The following TERF1 variants were observed in gnomAD, a reference collection of about 807,000 sequenced individuals.
The protein encoded by TERF1 is telomeric repeat binding factor 1.
In TERF1, 20 loss-of-function variants were observed where a neutral mutation model predicts 55.1. That is an observed-to-expected ratio of 0.36 (90% CI 0.26 to 0.53). The LOEUF is 0.53. Among genes scored for constraint, TERF1 ranks in the 20% least tolerant of loss-of-function variants. TERF1 has a pLI of 0.91. For synonymous variants in TERF1, 168 were observed against 181.2 expected, an observed-to-expected ratio of 0.93 and a Z score of 0.59; for missense variants, 439 against 535.7, an observed-to-expected ratio of 0.82 and a Z score of 1.78.
chr8:73,036,689 C>T (rs1025136603), intron 8 of TERF1, among the ~76,000 whole-genome samples: 5 of 151,464 alleles, frequency 3.3e-5, no homozygotes, highest in Non-Finnish European at 5.9e-5. Flanking sequence ...TGTGCACCCG[C>T]CTACCACATG....
At chr8:73,027,105 T>C in intron 6 of TERF1, 53 bp downstream of exon 6, 1 of 1,257,952 alleles carries the variant, frequency 7.9e-7, no homozygotes, top group Non-Finnish European at 1.1e-6. Flanking sequence ...GTTCTGTCTT[T>C]ATGTAAAATT....
intron 9 of TERF1, 138 bp from the exon 10 acceptor site, chr8:73,045,823 T>C: frequency 3.2e-6 from 2 of 629,630 alleles, no homozygotes; most frequent in Non-Finnish European, 5.0e-6. Context: ...CTTTTAAAAA[T>C]CTAAGAAATG....
intron 3 of TERF1, among the ~76,000 whole-genome samples, chr8:73,021,983 G>A (rs1808777429): frequency 6.6e-6 from 1 of 152,098 alleles, no homozygotes; most frequent in African/African-American, 2.4e-5. Context: ...ATAGAATGCT[G>A]GGCATTTATG....
intron 2 of TERF1, among the ~76,000 whole-genome samples, 163 bp downstream of exon 2, chr8:73,014,153 C>A (rs781599468): frequency 4.6e-5 from 7 of 151,480 alleles, no homozygotes; most frequent in Non-Finnish European, 8.8e-5. Flanking sequence ...ACAGTCATAT[C>A]TAAAGCAAGT....
In TERF1 at chr8:73,024,811, GTTTTC is replaced by G. The variant is rs754552180; in HGVS notation, c.625-7_625-3del. On this transcript the variant is annotated splice_polypyrimidine_tract_variant and splice_region_variant and intron_variant, in intron 4 of 9. Coordinates refer to ENST00000276603, the MANE Select transcript of TERF1 (RefSeq NM_017489.3). ...TGATTTATGTTAATATATTTCTTCT[GTTTTC>G]TTTAGCCTTTCAAAAGCAAATTGCT... 4.0e-5 allele frequency: 61 copies of G among 1,543,548 alleles called. No homozygotes were observed. The highest frequency in any genetic ancestry group is 5.2e-5 in the Non-Finnish European group (59 of 1,142,738).
chr8:73,012,765 A>G (rs1808336377), intron 1 of TERF1: 1 of 308,284 alleles, frequency 3.2e-6, no homozygotes, highest in Non-Finnish European at 6.6e-6. Context: ...AGCACAATAA[A>G]ATGAGGTATG....
chr8:73,027,051 A>T lies in TERF1; in HGVS notation c.886A>T (p.Ser296Cys). ...TGAAGCTAATTTGGATACAAGAAAAAGGTTTGTAATTTAATCAATTTGTAT... is the reference window on the plus strand; with the variant it reads ...TGAAGCTAATTTGGATACAAGAAAATGGTTTGTAATTTAATCAATTTGTAT... ...ETEANLDTRK[S>C]VSDKQSAVTE... is the part of the protein sequence containing the mutation. Residue 296 changes from serine to cysteine, a missense_variant and splice_region_variant, in exon 6 of 10, where the codon AGT becomes TGT. Physicochemically the swap from Ser to Cys is moderately radical, Grantham distance 112. Coordinates refer to ENST00000276603, the MANE Select transcript of TERF1 (RefSeq NM_017489.3). 1 of 1,601,250 alleles carries T rather than the reference A, an allele frequency of 6.2e-7. No homozygotes were observed. Among genetic ancestry groups the T allele is most frequent in the Non-Finnish European group, 8.5e-7 (1 of 1,172,872 alleles).
At chr8:73,030,235 T>C (rs1809225742) in intron 6 of TERF1, 101 bp from the exon 7 acceptor site, 2 of 753,868 alleles carry the variant, frequency 2.7e-6, no homozygotes, top group Non-Finnish European at 4.2e-6. Flanking sequence ...TCCAAAGTTA[T>C]TTTTTTATAA....
Position 73,046,141 on chromosome 8 carries a change from T to A in TERF1, c.*4T>A, listed in dbSNP as rs1563477806. On this transcript the variant is annotated 3_prime_UTR_variant, in exon 10 of 10. Coordinates refer to ENST00000276603, the MANE Select transcript of TERF1 (RefSeq NM_017489.3). ...TTCCTCAGACAGCGAAGACTGATTG[T>A]GTTTGTAAAAGCTTGATGAAAGGAC... 1 of 1,564,344 alleles carries A rather than the reference T, an allele frequency of 6.4e-7. No homozygotes were observed. Among genetic ancestry groups the A allele is most frequent in the Non-Finnish European group, 8.6e-7 (1 of 1,159,504 alleles).
At position 73,030,393 on chromosome 8, in the gene TERF1, G is replaced by T; in HGVS notation, c.945G>T (p.Leu315Phe). The part of the protein sequence containing the change: ...TESSEGTVSL[L>F]RSHKNLFLSK... The stretch of plus-strand genomic sequence containing the variant: ...CCTCAGAGGGTACAGTATCCTTATT[G>T]AGGTGAAGTAAATTGACGTTTTTCT... Residue 315 changes from leucine to phenylalanine, a missense_variant and splice_region_variant, in exon 7 of 10, where the codon TTG becomes TTT. Leu to Phe is a conservative substitution (Grantham distance 22). Around this residue, in one of 4 missense-constraint regions of TERF1, gnomAD observed 140 missense variants for 158.6 expected, o/e 0.88. Coordinates refer to ENST00000276603, the MANE Select transcript of TERF1 (RefSeq NM_017489.3). 1 of 1,495,264 alleles carries T rather than the reference G, an allele frequency of 6.7e-7. No homozygotes were observed. Among genetic ancestry groups the T allele is most frequent in the Non-Finnish European group, 8.9e-7 (1 of 1,127,546 alleles). The allele number at this position is 1,495,264 out of a possible 1,614,324, so 92.6% of individuals were successfully genotyped here.
At chr8:73,015,421 G>T (rs1011387208) in intron 2 of TERF1, among the ~76,000 whole-genome samples, 1 of 151,538 alleles carries the variant, frequency 6.6e-6, no homozygotes, top group Admixed American at 6.6e-5. Flanking sequence ...AGAAAAGTAG[G>T]CCAGGCATAG....
intron 9 of TERF1, among the ~76,000 whole-genome samples, chr8:73,041,954 C>G (rs966151440): frequency 1.3e-5 from 2 of 152,140 alleles, no homozygotes; most frequent in Admixed American, 1.3e-4. Context: ...CTGCTCCTGG[C>G]CTTTCTGTCC....
intron 2 of TERF1, chr8:73,018,894 A>G (rs140829792): frequency 1.3e-5 from 2 of 152,354 alleles, no homozygotes; most frequent in South Asian, 2.1e-4. Context: ...TGAGGTAAGT[A>G]TAAAGTACTG....
chr8:73,025,450 A>G lies in TERF1; in HGVS notation c.774+479A>G, dbSNP rs960311377. 8.6e-5 allele frequency among the ~76,000 whole-genome samples: 13 copies of G among 151,354 alleles called. 1 individual carries two copies. The highest frequency in any genetic ancestry group is 6.6e-4 in the Admixed American group (10 of 15,190). ...CATGGTGAAACCCCTTATCTACAAA[A>G]AAATACAAAAAAATTAGCTGGGCCG... On this transcript the variant is annotated intron_variant, in intron 5 of 9. Transcript: ENST00000276603.
Position 73,024,238 on chromosome 8 carries a change from G to A in TERF1, c.625-584G>A, listed in dbSNP as rs56101506. On this transcript the variant is annotated intron_variant, in intron 4 of 9. Transcript: ENST00000276603. ...GATGAATAAGTGATGTTTTTGATCA[G>A]TGTAGTACTTTACAATGGCAAAAAT... Among the ~76,000 whole-genome samples the A allele has an allele frequency of 1.6e-4, 24 of 152,312 alleles. No homozygotes were observed. In the East Asian group the frequency reaches 4.6e-3, roughly 29 times the overall value.
intron 7 of TERF1, chr8:73,031,014 G>A (rs926444167): frequency 6.6e-6 from 1 of 152,258 alleles, no homozygotes; most frequent in African/African-American, 2.4e-5. Flanking sequence ...CTTAGGTGTA[G>A]AGAAAGATCT....
intron 8 of TERF1, chr8:73,038,664 C>T: frequency 1.7e-6 from 1 of 578,670 alleles, no homozygotes; most frequent in Non-Finnish European, 2.2e-6. Flanking sequence ...TCTGCCTAAA[C>T]AATTATCATT....
chr8:73,037,819 TA>T (rs1809649029), intron 8 of TERF1, among the ~76,000 whole-genome samples: 1 of 104,048 alleles, frequency 9.6e-6, no homozygotes, highest in Non-Finnish European at 1.8e-5. Context: ...ATATTATATA[TA>T]ATATATAGTA....
At chr8:73,025,200 G>T (rs963380664) in intron 5 of TERF1, among the ~76,000 whole-genome samples, 3 of 152,170 alleles carry the variant, frequency 2.0e-5, no homozygotes, top group Admixed American at 2.0e-4. Context: ...AAAAGAAAAA[G>T]TTGAAGGGAA....
Sources: allele counts gnomAD v4.1 joint callset (sites outside exome capture counted in the v4.1 genomes callset), GRCh38; gene constraint gnomAD v4.1.1; regional missense constraint gnomAD v4.1.1; transcripts MANE v1.5; gene names NCBI Gene and HGNC (gene_info 2026-07-23, HGNC 2026-07-21).